The following SEMA5A variants were observed in gnomAD, a reference collection of about 807,000 sequenced individuals.
The protein encoded by SEMA5A is semaphorin-5A.
A neutral mutation model predicts 135.5 loss-of-function variants in SEMA5A; 55 were observed. The ratio of observed to expected loss-of-function variants is 0.41; its 90% CI spans 0.33 to 0.51. The LOEUF (loss-of-function observed/expected upper bound fraction) is 0.51. SEMA5A is among the 20% of genes least tolerant of loss of function. The pLI is 0.37. For missense variants in SEMA5A, 1,290 were observed against 1,419.9 expected (o/e 0.91, Z 1.47); for synonymous variants, 580 against 546.5 (o/e 1.06, Z -0.85).
chr5:9,505,029 T>A (rs1236572897), intron 1 of SEMA5A, among the ~76,000 whole-genome samples: 3 of 152,204 alleles, frequency 2.0e-5, no homozygotes, highest in Non-Finnish European at 4.4e-5. Flanking sequence ...ACTTAGTACA[T>A]AATTTCTCCT....
chr5:9,462,302 A>G (rs918105349), intron 1 of SEMA5A, among the ~76,000 whole-genome samples: 1 of 152,236 alleles, frequency 6.6e-6, no homozygotes, highest in Admixed American at 6.5e-5. Flanking sequence ...CAGAATGGCT[A>G]TTATTAAAAA....
In SEMA5A at chr5:9,040,204, A is replaced by C. The variant is rs936328160; in HGVS notation, c.*2693T>G. On this transcript the variant is annotated 3_prime_UTR_variant, in exon 23 of 23. Transcript: ENST00000382496. Reference sequence around the variant, plus strand: ...AAAGGAAAGAAGAAAAGAAGGCAGGAAGGAAGAACAAAAGGAGGGAATGAA... The same window carrying C: ...AAAGGAAAGAAGAAAAGAAGGCAGGCAGGAAGAACAAAAGGAGGGAATGAA... The C allele has an allele frequency of 1.3e-5, 2 of 152,286 alleles. No individual in the cohort carries two copies. Among genetic ancestry groups the C allele is most frequent in the Admixed American group, 6.5e-5 (1 of 15,290 alleles). The allele number at this position is 152,286 out of a possible 1,614,324, so 9.4% of individuals were successfully genotyped here. A position where few individuals can be genotyped will look rare whatever the true frequency, so the allele number is the denominator to read the frequency against.
chr5:9,191,824 G>A (rs149080212), intron 10 of SEMA5A, among the ~76,000 whole-genome samples: 1,725 of 151,644 alleles, frequency 0.011, 38 homozygotes, highest in African/African-American at 0.04. Flanking sequence ...GAAGGGCTCA[G>A]CCCTGCCATG....
chr5:9,173,279 G>GTTT (rs35531350), intron 11 of SEMA5A, among the ~76,000 whole-genome samples: 14 of 121,814 alleles, frequency 1.1e-4, no homozygotes, highest in East Asian at 2.4e-4. Context: ...TCTTCACCCG[G>GTTT]TTTTTTTTTT....
At chr5:9,358,321 A>G (rs2126354609) in intron 3 of SEMA5A, among the ~76,000 whole-genome samples, 1 of 152,244 alleles carries the variant, frequency 6.6e-6, no homozygotes, top group East Asian at 1.9e-4. Flanking sequence ...TTCTAACTGT[A>G]GTGAGTGCTT....
chr5:9,103,475 T>G (rs191151780), intron 16 of SEMA5A, among the ~76,000 whole-genome samples: 9 of 152,330 alleles, frequency 5.9e-5, no homozygotes, highest in Admixed American at 3.3e-4. Context: ...GTATTGATTA[T>G]AATGTCTTTC....
intron 16 of SEMA5A, among the ~76,000 whole-genome samples, chr5:9,094,317 A>C (rs1739204868): frequency 6.6e-6 from 1 of 151,726 alleles, no homozygotes; most frequent in Non-Finnish European, 1.5e-5. Context: ...AATTATTTCA[A>C]ATGAACAGTA....
At chr5:9,189,353 C>T (rs1055659154) in intron 11 of SEMA5A, among the ~76,000 whole-genome samples, 1 of 149,620 alleles carries the variant, frequency 6.7e-6, no homozygotes, top group African/African-American at 2.5e-5. Flanking sequence ...TTCAAATGAA[C>T]TCCACAAATA....
At chr5:9,237,068 T>G (rs760186067) in intron 6 of SEMA5A, among the ~76,000 whole-genome samples, 3 of 152,244 alleles carry the variant, frequency 2.0e-5, no homozygotes, top group Non-Finnish European at 2.9e-5. Flanking sequence ...TGTGTATAAC[T>G]GCTGTCTTCT....
rs769987510 is a variant in SEMA5A at position 9,234,391 on chromosome 5, C to T, written c.333+3437G>A. Among the ~76,000 whole-genome samples the T allele has an allele frequency of 3.3e-5, 5 of 152,274 alleles. No homozygotes were observed. The East Asian group carries it at 9.7e-4, about 29-fold the overall frequency. On this transcript the variant is annotated intron_variant, in intron 6 of 22. Coordinates refer to ENST00000382496, the MANE Select transcript of SEMA5A (RefSeq NM_003966.3). ...CTATGTTAAGAAAGCAAGAGAGATGCCAAATAAGAAAGAGGAACTTATAAA... is the reference window on the plus strand; with the variant it reads ...CTATGTTAAGAAAGCAAGAGAGATGTCAAATAAGAAAGAGGAACTTATAAA...
rs190704393 is a variant in SEMA5A at position 9,209,402 on chromosome 5, T to C, written c.647-7162A>G. Reference sequence around the variant, plus strand: ...CGCCATGTTCATTTTTCTCTGATGATATTTTAAATTTACAGGTTCACTTCT... The same window carrying C: ...CGCCATGTTCATTTTTCTCTGATGACATTTTAAATTTACAGGTTCACTTCT... On this transcript the variant is annotated intron_variant, in intron 8 of 22. Transcript: ENST00000382496. 2.8e-4 allele frequency among the ~76,000 whole-genome samples: 42 copies of C among 152,364 alleles called. 1 individual carries two copies. In the East Asian group the frequency reaches 7.9e-3, roughly 29 times the overall value.
chr5:9,163,341 A>G (rs1048954697), intron 11 of SEMA5A, among the ~76,000 whole-genome samples: 1 of 152,192 alleles, frequency 6.6e-6, no homozygotes, highest in Non-Finnish European at 1.5e-5. Flanking sequence ...CCCTTAAATC[A>G]CTATTTGCTA....
At chr5:9,297,336 T>C (rs568050992) in intron 5 of SEMA5A, among the ~76,000 whole-genome samples, 7 of 152,228 alleles carry the variant, frequency 4.6e-5, no homozygotes, top group Admixed American at 2.6e-4. Flanking sequence ...GAGAAATTCA[T>C]ATGTTGAAAT....
chr5:9,315,594 C>G (rs142937480), intron 5 of SEMA5A, among the ~76,000 whole-genome samples: 176 of 152,216 alleles, frequency 1.2e-3, no homozygotes, highest in African/African-American at 4.1e-3. Context: ...TTTTTTCATA[C>G]CTTTCATGAC....
chr5:9,384,619 C>CATAGATAGATAGATAGATAG, intron 2 of SEMA5A, among the ~76,000 whole-genome samples: 1 of 85,814 alleles, frequency 1.2e-5, no homozygotes, highest in Admixed American at 1.3e-4. Context: ...TAGATAGATA[C>CATAGATAGATAGATAGATAG]ATAGATAGAT....
chr5:9,458,182 C>T (rs1430731256), intron 1 of SEMA5A, among the ~76,000 whole-genome samples: 1 of 151,650 alleles, frequency 6.6e-6, no homozygotes, highest in Non-Finnish European at 1.5e-5. Flanking sequence ...GCTGGGATTA[C>T]AGGCGTGAGC....
At chr5:9,048,249 C>T (rs545152226) in intron 21 of SEMA5A, among the ~76,000 whole-genome samples, 14 of 152,280 alleles carry the variant, frequency 9.2e-5, no homozygotes, top group African/African-American at 2.6e-4. Flanking sequence ...TCGTTTCCTA[C>T]GGTGCTTTGG....
chr5:9,478,222 A>G (rs1759744259), intron 1 of SEMA5A, among the ~76,000 whole-genome samples: 1 of 152,222 alleles, frequency 6.6e-6, no homozygotes, highest in East Asian at 1.9e-4. Context: ...AAACACCTGG[A>G]TGTCGAGGCA....
At chr5:9,046,636 T>C (rs1736271528) in intron 21 of SEMA5A, among the ~76,000 whole-genome samples, 1 of 152,196 alleles carries the variant, frequency 6.6e-6, no homozygotes, top group South Asian at 2.1e-4. Context: ...GGAGATGCCA[T>C]CAAGGCCTCA....
Sources: allele counts gnomAD v4.1 joint callset (sites outside exome capture counted in the v4.1 genomes callset), GRCh38; gene constraint gnomAD v4.1.1; transcripts MANE v1.5; gene names NCBI Gene and HGNC (gene_info 2026-07-23, HGNC 2026-07-21).